HDGFL3: variants seen among roughly 807,000 people sequenced by gnomAD.
The protein encoded by HDGFL3 is HDGF like 3, also known as hepatoma-derived growth factor-related protein 3.
Under a neutral mutation model 27.6 loss-of-function variants are expected in HDGFL3, and 6 were observed. The ratio of observed to expected loss-of-function variants is 0.22; its 90% CI spans 0.12 to 0.43. The LOEUF is 0.43. Ranked by LOEUF, HDGFL3 falls within the 20% of genes least tolerant of loss-of-function variation. The probability of loss-of-function intolerance (pLI) is 1.00; values close to 1 mark genes in which losing one functional copy is unlikely to be tolerated. For synonymous variants in HDGFL3, 88 were observed against 88.9 expected (o/e 0.99, Z 0.05); for missense variants, 207 against 250.1 (o/e 0.83, Z 1.16).
At position 83,119,675 on chromosome 15, in the gene HDGFL3, C is replaced by T. The variant is rs774115059; in HGVS notation, c.394-3934G>A. On this transcript the variant is annotated intron_variant, in intron 3 of 3. Transcript: ENST00000568294. ...TACCTGGTGATGGTGGCAGCCATAG[C>T]ATGGGAGTAAGTCAGTTCACCTGGT... 6.8e-5 allele frequency: 109 copies of T among 1,614,030 alleles called. No homozygotes were observed. The highest frequency in any genetic ancestry group is 8.5e-5 in the Non-Finnish European group (100 of 1,180,008).
At chr15:83,169,198 T>A (rs750582651) in intron 1 of HDGFL3, 1 of 441,980 alleles carries the variant, frequency 2.3e-6, no homozygotes, top group Non-Finnish European at 4.5e-6. Flanking sequence ...CCCTCGAGAA[T>A]TGAAACAAGA....
At chr15:83,186,858 T>C (rs2037449343) in intron 1 of HDGFL3, among the ~76,000 whole-genome samples, 1 of 152,166 alleles carries the variant, frequency 6.6e-6, no homozygotes, top group Non-Finnish European at 1.5e-5. Context: ...CAACAACCAC[T>C]TGTACCCCAT....
At chr15:83,122,321 C>T (rs2035335696) in intron 3 of HDGFL3, among the ~76,000 whole-genome samples, 2 of 151,560 alleles carry the variant, frequency 1.3e-5, no homozygotes, top group South Asian at 4.2e-4. Context: ...TCCTGACACA[C>T]TATGAGAACT....
At chr15:83,154,344 GAA>G (rs544397303) in intron 4 of HDGFL3, among the ~76,000 whole-genome samples, 9 of 113,456 alleles carry the variant, frequency 7.9e-5, no homozygotes, top group African/African-American at 1.6e-4. Flanking sequence ...TCAAGACAAA[GAA>G]AAAAAAAAAA....
chr15:83,126,110 G>A (rs943708644), downstream of HDGFL3, among the ~76,000 whole-genome samples: 2 of 152,126 alleles, frequency 1.3e-5, no homozygotes, highest in African/African-American at 4.8e-5. Context: ...GGTGGGTAGG[G>A]CTTTTGGATT....
chr15:83,128,128 AAAAC>A lies in HDGFL3; in HGVS notation c.*11138_*11141del, dbSNP rs1396767549. On this transcript the variant is annotated 3_prime_UTR_variant, in exon 6 of 6. Transcript: ENST00000299633. ...AAAATTAATTTTTCTTACTAGAAAT[AAAAC>A]AAATGAACTTATCATTTAAAAACAT... 1 of 152,282 alleles carries A rather than the reference AAAAC, an allele frequency of 6.6e-6. No homozygotes were observed. The highest frequency in any genetic ancestry group is 2.4e-5 in the African/African-American group (1 of 41,464). 9.4% of individuals were successfully genotyped at this position (152,282 alleles called of 1,614,324 possible).
chr15:83,127,602 T>G (rs1027655969), downstream of HDGFL3: 63 of 1,049,086 alleles, frequency 6.0e-5, no homozygotes, highest in Non-Finnish European at 8.7e-5. Flanking sequence ...CACCTTTTGT[T>G]TTGCAGTTCT....
chr15:83,134,606 CG>C lies in HDGFL3; in HGVS notation c.*4663del. The stretch of plus-strand genomic sequence containing the variant: ...CTGGTTAGTGCAGGAAAAGAGCCTA[CG>C]GAATCACTGACTTTTTACACAGGCT... On this transcript the variant is annotated 3_prime_UTR_variant, in exon 6 of 6. Transcript: ENST00000299633. The C allele has an allele frequency of 6.6e-6, 1 of 152,284 alleles. No homozygotes were observed. The highest frequency in any genetic ancestry group is 1.5e-5 in the Non-Finnish European group (1 of 68,034). The allele number at this position is 152,284 out of a possible 1,614,324, so 9.4% of individuals were successfully genotyped here. A position where few individuals can be genotyped will look rare whatever the true frequency, so the allele number is the denominator to read the frequency against.
chr15:83,204,634 T>C (rs747434859), intron 1 of HDGFL3, among the ~76,000 whole-genome samples: 1 of 152,168 alleles, frequency 6.6e-6, no homozygotes, highest in Non-Finnish European at 1.5e-5. Flanking sequence ...AGTTGAAAGT[T>C]GACAATAATT....
intron 1 of HDGFL3, among the ~76,000 whole-genome samples, chr15:83,196,337 T>C (rs1320000228): frequency 2.6e-5 from 4 of 151,850 alleles, no homozygotes; most frequent in Non-Finnish European, 4.4e-5. Flanking sequence ...TGATCACATA[T>C]GAAAAGAACA....
intron 4 of HDGFL3, among the ~76,000 whole-genome samples, chr15:83,156,843 G>A (rs2037036267): frequency 6.6e-6 from 1 of 152,004 alleles, no homozygotes; most frequent in Admixed American, 6.6e-5. Context: ...ACAGGCGCCC[G>A]CCACCATGCC....
chr15:83,157,981 C>T lies in HDGFL3; in HGVS notation c.222G>A (p.Lys74=). The change falls in exon 3 of 6, where the codon AAG becomes AAA. Residue 74 remains lysine (K), a synonymous_variant. Transcript: ENST00000299633. ...CGTTAAATCCTTTCCGTTTGTTTGA[C>T]TTTCCAAACTTGTCTTTGTACTCCT... ...PYKEYKDKFG[K]SNKRKGFNEG... The T allele has an allele frequency of 6.2e-7, 1 of 1,612,330 alleles. No individual in the cohort carries two copies. The highest frequency in any genetic ancestry group is 8.5e-7 in the Non-Finnish European group (1 of 1,178,646).
chr15:83,121,237 ATTT>A (rs1229395202), intron 3 of HDGFL3, among the ~76,000 whole-genome samples: 1 of 139,470 alleles, frequency 7.2e-6, no homozygotes. Flanking sequence ...TGCCCAGCTA[ATTT>A]TTTTTTTTTT....
At chr15:83,163,071 G>A (rs746764078) in intron 2 of HDGFL3, among the ~76,000 whole-genome samples, 1 of 152,176 alleles carries the variant, frequency 6.6e-6, no homozygotes, top group Non-Finnish European at 1.5e-5. Context: ...ACATCACCAA[G>A]TTCTTGTCAC....
At chr15:83,190,775 C>T (rs2037502236) in intron 1 of HDGFL3, among the ~76,000 whole-genome samples, 1 of 152,118 alleles carries the variant, frequency 6.6e-6, no homozygotes, top group Non-Finnish European at 1.5e-5. Flanking sequence ...TTTTAATGTA[C>T]ACAATTTTAT....
At chr15:83,204,216 A>AT (rs2037687463) in intron 1 of HDGFL3, among the ~76,000 whole-genome samples, 1 of 151,644 alleles carries the variant, frequency 6.6e-6, no homozygotes, top group South Asian at 2.1e-4. Context: ...ATATACTTAT[A>AT]TATATCAGAC....
chr15:83,122,029 C>T (rs1443598828), intron 3 of HDGFL3: 1 of 1,549,888 alleles, frequency 6.5e-7, no homozygotes, highest in Non-Finnish European at 8.9e-7. Flanking sequence ...TTAAAGTTCA[C>T]TTTCCTTTTC....
At chr15:83,116,072 G>C in intron 3 of HDGFL3, 1 of 689,540 alleles carries the variant, frequency 1.5e-6, no homozygotes, top group East Asian at 2.7e-5. Flanking sequence ...TCCTATAATA[G>C]CCTTAGGTCG....
At chr15:83,160,327 T>C (rs573848186) in intron 2 of HDGFL3, among the ~76,000 whole-genome samples, 6 of 152,070 alleles carry the variant, frequency 3.9e-5, no homozygotes, top group African/African-American at 1.2e-4. Context: ...CCTGGGATTA[T>C]AGGCACATGC....
Sources: allele counts gnomAD v4.1 joint callset (sites outside exome capture counted in the v4.1 genomes callset), GRCh38; gene constraint gnomAD v4.1.1; transcripts MANE v1.5; gene names NCBI Gene and HGNC (gene_info 2026-07-23, HGNC 2026-07-21).